The following ZDHHC11 variants were observed in gnomAD, a reference collection of about 807,000 sequenced individuals.
ZDHHC11 encodes palmitoyltransferase ZDHHC11.
In ZDHHC11, 44 loss-of-function variants were observed where a neutral mutation model predicts 51.3. The ratio of observed to expected loss-of-function variants is 0.86; its 90% confidence interval spans 0.67 to 1.10. ZDHHC11 has a LOEUF of 1.10. Ranked by LOEUF, ZDHHC11 falls within the 50% of genes least tolerant of loss-of-function variation. The pLI, the probability that ZDHHC11 is intolerant of heterozygous loss-of-function variation, is 0.00. For synonymous variants in ZDHHC11, 163 were observed against 222.0 expected (o/e 0.73, Z 2.36); for missense variants, 400 against 537.7 (o/e 0.74, Z 2.53).
chr5:854,184 C>T (rs547655646), upstream of ZDHHC11, among the ~76,000 whole-genome samples: 5 of 134,206 alleles, frequency 3.7e-5, no homozygotes, highest in Admixed American at 2.2e-4. Flanking sequence ...GACAGCGAGC[C>T]GGGGGGACAG....
chr5:821,748 G>A (rs573145421), intron 9 of ZDHHC11, 113 bp downstream of exon 9: 10 of 1,102,606 alleles, frequency 9.1e-6, no homozygotes, highest in Non-Finnish European at 1.2e-5. Context: ...GGCACTTCAG[G>A]ATATTTGAAG....
intron 7 of ZDHHC11, among the ~76,000 whole-genome samples, chr5:833,121 T>C (rs1304183664): frequency 1.3e-5 from 2 of 152,252 alleles, no homozygotes; most frequent in Non-Finnish European, 2.9e-5. Flanking sequence ...ATACTGTTAG[T>C]ATCTCATAGT....
At chr5:852,306 G>A (rs1747345236), upstream of ZDHHC11, among the ~76,000 whole-genome samples, 1 of 152,204 alleles carries the variant, frequency 6.6e-6, no homozygotes, top group Non-Finnish European at 1.5e-5. Context: ...TGAGCCTGGA[G>A]ACAACACGTT....
In ZDHHC11 at chr5:849,873, A is replaced by C. The variant is rs1289923509; in HGVS notation, c.222+508T>G. 50 of 157,892 alleles carry C rather than the reference A, an allele frequency of 3.2e-4. No homozygotes were observed. The East Asian group carries it at 5.4e-3, about 17-fold the overall frequency. 9.8% of individuals were successfully genotyped at this position (157,892 alleles called of 1,614,324 possible). A position where few individuals can be genotyped will look rare whatever the true frequency, so the allele number is the denominator to read the frequency against. ...GAAGGGGTGGAGTGCGGGGCCCTCC[A>C]GTCACCCTGCCTGGCCCCTGGACCG... On this transcript the variant is annotated intron_variant, in intron 1 of 12. Coordinates refer to ENST00000283441, the MANE Select transcript of ZDHHC11 (RefSeq NM_024786.3).
intron 3 of ZDHHC11, among the ~76,000 whole-genome samples, chr5:845,957 C>A (rs1397094818): frequency 1.3e-5 from 2 of 150,262 alleles, no homozygotes; most frequent in Non-Finnish European, 3.0e-5. Context: ...GCCCTCACCC[C>A]CTCACCTTCC....
intron 7 of ZDHHC11, among the ~76,000 whole-genome samples, chr5:825,462 A>G (rs1241865766): frequency 2.0e-5 from 3 of 152,128 alleles, no homozygotes; most frequent in Non-Finnish European, 4.4e-5. Flanking sequence ...GTAAAGGACC[A>G]TGACTCTTTG....
chr5:815,311 C>T (rs1293419651), intron 10 of ZDHHC11, among the ~76,000 whole-genome samples: 4 of 150,378 alleles, frequency 2.7e-5, no homozygotes, highest in African/African-American at 7.3e-5. Context: ...TGTTCCAACA[C>T]CCCATGTGTG....
intron 11 of ZDHHC11, among the ~76,000 whole-genome samples, chr5:803,612 A>T (rs1738804713): frequency 6.6e-6 from 1 of 151,016 alleles, no homozygotes. Flanking sequence ...AAATAGAATA[A>T]TATGGCCCAC....
In ZDHHC11 at chr5:796,773, G is replaced by A. The variant is rs1191977435; in HGVS notation, c.*8-193C>T. 2.8e-3 allele frequency among the ~76,000 whole-genome samples: 431 copies of A among 152,050 alleles called. 1 individual carries two copies. The highest frequency in any genetic ancestry group is 9.9e-3 in the African/African-American group (409 of 41,332). ...AGCTGGGTCTAGTGAGAGTCCTCCC[G>A]AGCCAGGCTCCTGCCCTCCCCATCC... On this transcript the variant is annotated intron_variant, in intron 12 of 12. Coordinates refer to ENST00000283441, the MANE Select transcript of ZDHHC11 (RefSeq NM_024786.3).
intron 10 of ZDHHC11, among the ~76,000 whole-genome samples, chr5:818,334 C>T (rs1185039248): frequency 1.3e-5 from 2 of 151,644 alleles, no homozygotes; most frequent in Non-Finnish European, 1.5e-5. Flanking sequence ...GGGGCCCAAT[C>T]GGTTTCCACT....
upstream of ZDHHC11, among the ~76,000 whole-genome samples, chr5:859,071 A>G (rs868857448): frequency 1.3e-5 from 2 of 152,134 alleles, no homozygotes; most frequent in South Asian, 2.1e-4. Flanking sequence ...ACAAGGGGGC[A>G]TGAGGAGGGA....
chr5:819,487 C>T (rs781301186), intron 10 of ZDHHC11, 38 bp downstream of exon 10: 3 of 1,592,934 alleles, frequency 1.9e-6, no homozygotes, highest in East Asian at 2.2e-5. Flanking sequence ...CTGCACATGG[C>T]CCTGTCCTCG....
chr5:817,980 G>A (rs7734409), intron 10 of ZDHHC11, among the ~76,000 whole-genome samples: 1 of 151,286 alleles, frequency 6.6e-6, no homozygotes, highest in Non-Finnish European at 1.5e-5. Context: ...TGTCAGTGAA[G>A]TCACGTGCAT....
chr5:852,458 T>A (rs1747369381), upstream of ZDHHC11, among the ~76,000 whole-genome samples: 1 of 152,070 alleles, frequency 6.6e-6, no homozygotes, highest in Non-Finnish European at 1.5e-5. Context: ...AAGTAATACA[T>A]CCAAATTAGA....
intron 11 of ZDHHC11, among the ~76,000 whole-genome samples, chr5:806,988 C>G (rs1207684722): frequency 6.6e-6 from 1 of 151,058 alleles, no homozygotes; most frequent in Non-Finnish European, 1.5e-5. Flanking sequence ...GGAATAGCCC[C>G]GGGAGAAATG....
chr5:834,455 C>T (rs1228437781), intron 6 of ZDHHC11, among the ~76,000 whole-genome samples: 1 of 152,280 alleles, frequency 6.6e-6, no homozygotes. Context: ...ATTATAGGTG[C>T]TTCCCATTGT....
intron 6 of ZDHHC11, among the ~76,000 whole-genome samples, chr5:834,299 CTACCTT>C (rs1480406115): frequency 6.6e-6 from 1 of 152,430 alleles, no homozygotes; most frequent in African/African-American, 2.4e-5. Context: ...ACATCTACAT[CTACCTT>C]GGTAAGGAGT....
At chr5:807,453 G>A (rs1408594014) in intron 11 of ZDHHC11, among the ~76,000 whole-genome samples, 2 of 151,510 alleles carry the variant, frequency 1.3e-5, no homozygotes, top group Non-Finnish European at 3.0e-5. Flanking sequence ...TGCTTTTGTT[G>A]TTGGTGCTTC....
chr5:835,061 G>C (rs1426814194), intron 6 of ZDHHC11, among the ~76,000 whole-genome samples: 1 of 151,582 alleles, frequency 6.6e-6, no homozygotes, highest in Non-Finnish European at 1.5e-5. Flanking sequence ...AATAGGCAGT[G>C]ATTTTGGTGT....
Sources: allele counts gnomAD v4.1 joint callset (sites outside exome capture counted in the v4.1 genomes callset), GRCh38; gene constraint gnomAD v4.1.1; transcripts MANE v1.5; gene names NCBI Gene and HGNC (gene_info 2026-07-23, HGNC 2026-07-21).